Variants in DERA observed in about 807,000 individuals in gnomAD.
DERA encodes the protein 2-deoxy-D-ribose 5-phosphate aldolase.
DERA carries 15 observed loss-of-function variants against 41.1 expected under a neutral mutation model. That is an observed-to-expected ratio of 0.37 (90% CI 0.24 to 0.56). DERA has a LOEUF of 0.56. Ranked by LOEUF, DERA falls within the 20% of genes least tolerant of loss-of-function variation. DERA has a pLI of 0.81. For synonymous variants in DERA, 139 were observed against 137.4 expected, an observed-to-expected ratio of 1.01 and a Z score of -0.08; for missense variants, 396 against 403.4, an observed-to-expected ratio of 0.98 and a Z score of 0.16.
Position 15,989,043 on chromosome 12 carries a change from A to C in DERA, c.637+6607A>C, listed in dbSNP as rs1252962521. ...TAGGGAGAGGCCAGGGAGTGGGACC[A>C]GGTACTTCTGAGCCTGCAGGGGTAG... is the stretch of plus-strand genomic sequence containing the variant. On this transcript the variant is annotated intron_variant, in intron 6 of 8. Coordinates refer to ENST00000428559, the MANE Select transcript of DERA (RefSeq NM_015954.4). This position sits in a 1 kb window ranked among gnomAD's most constrained non-coding sequence, Gnocchi z 5.2. 6.6e-6 allele frequency among the ~76,000 whole-genome samples: 1 copy of C among 152,208 alleles called. No homozygotes were observed. Among genetic ancestry groups the C allele is most frequent in the Non-Finnish European group, 1.5e-5 (1 of 68,022 alleles).
rs954464853 is a variant in DERA at position 16,004,271 on chromosome 12, TATAA to T, written c.637+21839_637+21842del. On this transcript the variant is annotated intron_variant, in intron 6 of 8. Coordinates refer to ENST00000428559, the MANE Select transcript of DERA (RefSeq NM_015954.4). This position sits in a 1 kb window ranked among gnomAD's most constrained non-coding sequence, Gnocchi z 4.2. ...TGAATGTACAGCCAAGTATTCAAAATATAAATAGATGCAGAGAAAAAATCAAAAG... is the reference window on the plus strand; with the variant it reads ...TGAATGTACAGCCAAGTATTCAAAATATAGATGCAGAGAAAAAATCAAAAG... 6.6e-6 allele frequency among the ~76,000 whole-genome samples: 1 copy of T among 152,158 alleles called. No individual in the cohort carries two copies. The highest frequency in any genetic ancestry group is 6.5e-5 in the Admixed American group (1 of 15,280).
chr12:16,028,910 G>A (rs902893940), intron 6 of DERA, among the ~76,000 whole-genome samples: 2 of 152,130 alleles, frequency 1.3e-5, no homozygotes, highest in Non-Finnish European at 2.9e-5. Context: ...CCTGACAAAT[G>A]TAGTATGCTA....
intron 5 of DERA, among the ~76,000 whole-genome samples, chr12:15,973,819 T>G (rs910951107): frequency 4.7e-4 from 72 of 152,256 alleles, no homozygotes; most frequent in Non-Finnish European, 8.4e-4. Context: ...ATCACTTTTT[T>G]TTAAGTTATA....
At position 15,959,922 on chromosome 12, in the gene DERA, C is replaced by T. The variant is rs1259942654; in HGVS notation, c.371C>T (p.Ser124Leu). The part of the protein sequence containing the change: ...KAAGCNIPVA[S>L]VAAGFPAGQT... ...GCAGGCTGTAATATCCCTGTGGCAT[C>T]AGGTAAAATGTGTTGTGGCTTTTGT... The change falls in exon 4 of 9, where the codon TCA (serine) becomes TTA (leucine). Residue 124 changes from serine to leucine, a missense_variant and splice_region_variant. Transcript: ENST00000428559. This position sits in a 1 kb window ranked among gnomAD's most constrained non-coding sequence, Gnocchi z 4.5. 2 of 1,542,962 alleles carry T rather than the reference C, an allele frequency of 1.3e-6. No homozygotes were observed. The highest frequency in any genetic ancestry group is 2.4e-5 in the South Asian group (2 of 83,146).
In DERA at chr12:15,993,559, A is replaced by G. The variant is rs1388938773; in HGVS notation, c.637+11123A>G. Among the ~76,000 whole-genome samples the G allele has an allele frequency of 6.6e-6, 1 of 151,908 alleles. No individual in the cohort carries two copies. Among genetic ancestry groups the G allele is most frequent in the Non-Finnish European group, 1.5e-5 (1 of 67,970 alleles). ...TTAATTTATGAAAAGGTATGCTACA[A>G]CTGAAACTTCATCACTGGGGAAAGC... On this transcript the variant is annotated intron_variant, in intron 6 of 8. Transcript: ENST00000428559. The surrounding 1 kb of genome is among the most constrained non-coding windows in gnomAD (Gnocchi z 4.4).
rs545084916 is a variant in DERA at position 15,982,691 on chromosome 12, G to A, written c.637+255G>A. ...TTATAAGGCAGTAGATGGCTCTCTTGTTAGTGAATTGCCTTCTGTTTTATT... is the reference window on the plus strand; with the variant it reads ...TTATAAGGCAGTAGATGGCTCTCTTATTAGTGAATTGCCTTCTGTTTTATT... On this transcript the variant is annotated intron_variant, in intron 6 of 8. Transcript: ENST00000428559. This position sits in a 1 kb window ranked among gnomAD's most constrained non-coding sequence, Gnocchi z 4.0. Among the ~76,000 whole-genome samples, 2 of 152,198 alleles carry A rather than the reference G, an allele frequency of 1.3e-5. No individual in the cohort carries two copies. Among genetic ancestry groups the A allele is most frequent in the South Asian group, 4.2e-4 (2 of 4,814 alleles).
rs1024361542 is a variant in DERA, at chr12:16,011,552, T to C, written c.638-20990T>C. 4.6e-5 allele frequency among the ~76,000 whole-genome samples: 7 copies of C among 152,148 alleles called. No homozygotes were observed. The highest frequency in any genetic ancestry group is 1.7e-4 in the African/African-American group (7 of 41,434). On this transcript the variant is annotated intron_variant, in intron 6 of 8. Coordinates refer to ENST00000428559, the MANE Select transcript of DERA (RefSeq NM_015954.4). This position sits in a 1 kb window ranked among gnomAD's most constrained non-coding sequence, Gnocchi z 4.7. ...GTACCTTGCTTGTATTGAGGTTCCA[T>C]TTCCCCCTTCCCTCTCAGCAAAAGT... is the stretch of plus-strand genomic sequence containing the variant.
At position 16,019,506 on chromosome 12, in the gene DERA, C is replaced by T. The variant is rs1949004794; in HGVS notation, c.638-13036C>T. On this transcript the variant is annotated intron_variant, in intron 6 of 8. Transcript: ENST00000428559. The surrounding 1 kb of genome is among the most constrained non-coding windows in gnomAD (Gnocchi z 4.4). ...TAAGGGATATTTACAGTCACATCTT[C>T]TAAAACATACATTCATATATCTGTG... Among the ~76,000 whole-genome samples the T allele has an allele frequency of 6.6e-6, 1 of 152,208 alleles. No individual in the cohort carries two copies. The highest frequency in any genetic ancestry group is 1.9e-4 in the East Asian group (1 of 5,196).
Position 15,959,867 on chromosome 12 carries a change from G to A in DERA, c.316G>A (p.Val106Met), listed in dbSNP as rs777413520. The part of the protein sequence containing the change: ...TAAVCVYPAR[V>M]CDAVKALKAA... ...CGCCGTTTGTGTTTATCCCGCCCGG[G>A]TGTGTGATGCTGTAAAAGCACTCAA... is the stretch of plus-strand genomic sequence containing the variant. The change falls in exon 4 of 9, where the codon GTG becomes ATG. Residue 106 changes from valine to methionine, a missense_variant. Transcript: ENST00000428559. This position sits in a 1 kb window ranked among gnomAD's most constrained non-coding sequence, Gnocchi z 4.5. The A allele has an allele frequency of 6.4e-7, 1 of 1,551,478 alleles. No individual in the cohort carries two copies. Among genetic ancestry groups the A allele is most frequent in the Non-Finnish European group, 8.7e-7 (1 of 1,145,884 alleles).
Position 16,010,772 on chromosome 12 carries a change from G to A in DERA, c.638-21770G>A, listed in dbSNP as rs1426308687. 6.6e-6 allele frequency among the ~76,000 whole-genome samples: 1 copy of A among 151,962 alleles called. No homozygotes were observed. Among genetic ancestry groups the A allele is most frequent in the African/African-American group, 2.4e-5 (1 of 41,368 alleles). On this transcript the variant is annotated intron_variant, in intron 6 of 8. Coordinates refer to ENST00000428559, the MANE Select transcript of DERA (RefSeq NM_015954.4). The surrounding 1 kb of genome is among the most constrained non-coding windows in gnomAD (Gnocchi z 5.5). ...CTGTCTATGGATCTGCTAATGGGAA[G>A]CACATACGTCTCCAGGTACAGTGAA...
At chr12:15,946,387 T>A (rs1269552640) in intron 1 of DERA, among the ~76,000 whole-genome samples, 2 of 152,246 alleles carry the variant, frequency 1.3e-5, no homozygotes, top group East Asian at 3.8e-4. Flanking sequence ...AAGGTATTGA[T>A]TATTGCCTCA....
intron 1 of DERA, among the ~76,000 whole-genome samples, chr12:15,944,171 TAGTGCCGCAATGAACATAC>T: frequency 6.6e-6 from 1 of 152,128 alleles, no homozygotes; most frequent in East Asian, 1.9e-4. Flanking sequence ...CTTTTGTGAA[TAGTGCCGCAATGAACATAC>T]ATGTGCATGT....
Position 15,983,607 on chromosome 12 carries a change from A to G in DERA, c.637+1171A>G, listed in dbSNP as rs1402259447. Among the ~76,000 whole-genome samples, 1 of 152,168 alleles carries G rather than the reference A, an allele frequency of 6.6e-6. No individual in the cohort carries two copies. Among genetic ancestry groups the G allele is most frequent in the African/African-American group, 2.4e-5 (1 of 41,428 alleles). ...AAGTAAAAGCCCTATCATATAACTT[A>G]TCACATGACATTGTGATTGAGTGTT... is the stretch of plus-strand genomic sequence containing the variant. On this transcript the variant is annotated intron_variant, in intron 6 of 8. Transcript: ENST00000428559. This position sits in a 1 kb window ranked among gnomAD's most constrained non-coding sequence, Gnocchi z 6.2.
Position 16,001,786 on chromosome 12 carries a change from CCT to C in DERA, c.637+19351_637+19352del, listed in dbSNP as rs1457650545. Among the ~76,000 whole-genome samples the C allele has an allele frequency of 6.6e-6, 1 of 152,082 alleles. No individual in the cohort carries two copies. Among genetic ancestry groups the C allele is most frequent in the African/African-American group, 2.4e-5 (1 of 41,404 alleles). Reference sequence around the variant, plus strand: ...GACCGAATGCTCTGTCTCCTGCTTCCCTGAGTCAGAAGTGGCAGGCACACTAG... The same window carrying C: ...GACCGAATGCTCTGTCTCCTGCTTCCGAGTCAGAAGTGGCAGGCACACTAG... On this transcript the variant is annotated intron_variant, in intron 6 of 8. Transcript: ENST00000428559. The surrounding 1 kb of genome is among the most constrained non-coding windows in gnomAD (Gnocchi z 4.1).
chr12:16,032,159 G>A (rs193253830), intron 6 of DERA, among the ~76,000 whole-genome samples: 1 of 152,280 alleles, frequency 6.6e-6, no homozygotes, highest in African/African-American at 2.4e-5. Flanking sequence ...CAAATTAGGA[G>A]AAAATGAGTA....
rs3825261 is a variant in DERA at position 16,010,754 on chromosome 12, T to C, written c.638-21788T>C. On this transcript the variant is annotated intron_variant, in intron 6 of 8. Coordinates refer to ENST00000428559, the MANE Select transcript of DERA (RefSeq NM_015954.4). The surrounding 1 kb of genome is among the most constrained non-coding windows in gnomAD (Gnocchi z 5.5). ...GGCTGTTTGAAAGTTCACCTGTCTATGGATCTGCTAATGGGAAGCACATAC... is the reference window on the plus strand; with the variant it reads ...GGCTGTTTGAAAGTTCACCTGTCTACGGATCTGCTAATGGGAAGCACATAC... 3.0e-3 allele frequency among the ~76,000 whole-genome samples: 455 copies of C among 152,178 alleles called. 7 individuals carry two copies. The East Asian group carries it at 0.05, about 17-fold the overall frequency.
At chr12:15,939,562 C>T (rs1483607862) in intron 1 of DERA, among the ~76,000 whole-genome samples, 1 of 151,744 alleles carries the variant, frequency 6.6e-6, no homozygotes, top group African/African-American at 2.4e-5. Context: ...GCAAAATTGT[C>T]ATTAATAATT....
intron 5 of DERA, among the ~76,000 whole-genome samples, chr12:15,971,590 C>T (rs1323223483): frequency 2.1e-5 from 3 of 144,544 alleles, no homozygotes; most frequent in African/African-American, 7.8e-5. Context: ...GATCTTGGCT[C>T]ACTGCAGTCT....
chr12:15,989,831 T>C lies in DERA; in HGVS notation c.637+7395T>C, dbSNP rs925125101. Among the ~76,000 whole-genome samples the C allele has an allele frequency of 3.9e-5, 6 of 152,214 alleles. No homozygotes were observed. The highest frequency in any genetic ancestry group is 4.1e-4 in the South Asian group (2 of 4,836). ...GTCTTACACATCATTGTAAGTAAAA[T>C]TGTGTTAAACAACTTTGGTCAACTA... is the stretch of plus-strand genomic sequence containing the variant. On this transcript the variant is annotated intron_variant, in intron 6 of 8. Coordinates refer to ENST00000428559, the MANE Select transcript of DERA (RefSeq NM_015954.4). This position sits in a 1 kb window ranked among gnomAD's most constrained non-coding sequence, Gnocchi z 5.2.
Sources: gnomAD v4.1 joint callset for allele counts (sites outside exome capture counted in the v4.1 genomes callset) on GRCh38, gnomAD v4.1.1 for gene constraint, Gnocchi (gnomAD v3.1) non-coding constraint, MANE v1.5 for transcripts, NCBI Gene and HGNC (gene_info 2026-07-23, HGNC 2026-07-21) for gene names.